DCC: variants seen among roughly 807,000 people sequenced by gnomAD.
The protein encoded by DCC is netrin receptor DCC.
DCC carries 58 observed loss-of-function variants against 172.5 expected under a neutral mutation model. That is an observed-to-expected ratio of 0.34 (90% CI 0.27 to 0.42). DCC has a LOEUF of 0.42. DCC is among the 10% of genes least tolerant of loss of function. The probability of loss-of-function intolerance (pLI) is 1.00; values close to 1 mark genes in which losing one functional copy is unlikely to be tolerated. For missense variants in DCC, 1,740 were observed against 1,791.0 expected, an observed-to-expected ratio of 0.97 and a Z score of 0.51; for synonymous variants, 709 against 644.5, an observed-to-expected ratio of 1.10 and a Z score of -1.52.
At chr18:53,450,344 C>T (rs2045393286) in intron 22 of DCC, among the ~76,000 whole-genome samples, 156 bp from the exon 23 acceptor site, 1 of 151,734 alleles carries the variant, frequency 6.6e-6, no homozygotes, top group Non-Finnish European at 1.5e-5. Flanking sequence ...ATAGGTGTTT[C>T]CTCTCATTTT....
intron 25 of DCC, among the ~76,000 whole-genome samples, chr18:53,470,959 C>T (rs770807667): frequency 1.3e-5 from 2 of 152,140 alleles, no homozygotes; most frequent in Non-Finnish European, 2.9e-5. Flanking sequence ...AGTTTCATGC[C>T]TCTTCATTCT....
At chr18:53,443,694 G>A (rs1912418571) in intron 22 of DCC, among the ~76,000 whole-genome samples, 1 of 152,162 alleles carries the variant, frequency 6.6e-6, no homozygotes, top group African/African-American at 2.4e-5. Flanking sequence ...TTTTGGAAAG[G>A]ATTCACCACT....
At chr18:52,722,459 C>T (rs1352681446) in intron 1 of DCC, among the ~76,000 whole-genome samples, 1 of 152,130 alleles carries the variant, frequency 6.6e-6, no homozygotes, top group East Asian at 1.9e-4. Context: ...AGTGTTCTCA[C>T]TACTGAGTTA....
At chr18:52,805,286 A>G (rs935212131) in intron 2 of DCC, among the ~76,000 whole-genome samples, 2 of 152,218 alleles carry the variant, frequency 1.3e-5, no homozygotes, top group Non-Finnish European at 2.9e-5. Flanking sequence ...GTGTATATTA[A>G]CAGCTGGCAC....
chr18:52,631,270 C>T (rs556409456), intron 1 of DCC, among the ~76,000 whole-genome samples: 17 of 151,484 alleles, frequency 1.1e-4, no homozygotes, highest in Admixed American at 4.6e-4. Flanking sequence ...ACATGATAGC[C>T]GCAGGCTTGA....
chr18:52,925,968 C>A (rs17390820), intron 5 of DCC, among the ~76,000 whole-genome samples: 59,720 of 151,148 alleles, frequency 0.4, 12,411 homozygotes, highest in Non-Finnish European at 0.47. Flanking sequence ...AATAATTCTT[C>A]TACATGGCAG....
intron 7 of DCC, among the ~76,000 whole-genome samples, chr18:53,084,251 C>G (rs755233549): frequency 2.0e-5 from 3 of 152,186 alleles, no homozygotes; most frequent in Non-Finnish European, 4.4e-5. Flanking sequence ...AAGCCACCAG[C>G]CTTACTCCTA....
intron 1 of DCC, among the ~76,000 whole-genome samples, chr18:52,363,214 C>T (rs1323031690): frequency 6.6e-6 from 1 of 152,172 alleles, no homozygotes; most frequent in Non-Finnish European, 1.5e-5. Flanking sequence ...TGTTGGTTTA[C>T]CATCACATAG....
chr18:53,066,527 T>C (rs1319248894), intron 7 of DCC, among the ~76,000 whole-genome samples: 1 of 150,276 alleles, frequency 6.7e-6, no homozygotes. Flanking sequence ...ACCTTCTCCC[T>C]CTTTTGTGGC....
intron 2 of DCC, among the ~76,000 whole-genome samples, chr18:52,768,017 G>A (rs1289148140): frequency 6.6e-6 from 1 of 152,202 alleles, no homozygotes; most frequent in Non-Finnish European, 1.5e-5. Context: ...TAGCACCACA[G>A]TTTGGAGGAG....
chr18:53,084,036 T>A (rs2042843034), intron 7 of DCC, among the ~76,000 whole-genome samples: 1 of 152,168 alleles, frequency 6.6e-6, no homozygotes. Context: ...TTCTGTTACT[T>A]GTAACTTGAA....
intron 5 of DCC, among the ~76,000 whole-genome samples, chr18:53,062,700 T>G (rs576588495): frequency 1.3e-5 from 2 of 152,254 alleles, no homozygotes; most frequent in African/African-American, 4.8e-5. Context: ...AATTAGTATA[T>G]CACATGCCAT....
chr18:52,687,691 T>A (rs1799962471), intron 1 of DCC, among the ~76,000 whole-genome samples: 1 of 152,166 alleles, frequency 6.6e-6, no homozygotes, highest in South Asian at 2.1e-4. Context: ...AGAATTATTT[T>A]AAAAAGCAAG....
intron 2 of DCC, among the ~76,000 whole-genome samples, chr18:52,860,450 A>G (rs1163661281): frequency 6.6e-6 from 1 of 152,220 alleles, no homozygotes; most frequent in Admixed American, 6.5e-5. Flanking sequence ...CCAGGAAGTA[A>G]TTCAGGATTC....
At chr18:52,691,855 A>G (rs954002852) in intron 1 of DCC, among the ~76,000 whole-genome samples, 1 of 152,132 alleles carries the variant, frequency 6.6e-6, no homozygotes, top group South Asian at 2.1e-4. Context: ...CTGCACTCAA[A>G]TGTTAATTTG....
intron 5 of DCC, among the ~76,000 whole-genome samples, chr18:52,932,226 C>T (rs560989992): frequency 1.4e-4 from 22 of 152,256 alleles, no homozygotes; most frequent in African/African-American, 5.3e-4. Context: ...GTCCAGCTTT[C>T]TGGCTCAAGG....
chr18:52,985,901 A>G (rs1475369129), intron 5 of DCC, among the ~76,000 whole-genome samples: 1 of 152,088 alleles, frequency 6.6e-6, no homozygotes, highest in Non-Finnish European at 1.5e-5. Context: ...TAGTTACAGC[A>G]GTTTCTTAAA....
intron 1 of DCC, among the ~76,000 whole-genome samples, chr18:52,530,176 T>C (rs994046083): frequency 1.3e-5 from 2 of 152,256 alleles, no homozygotes; most frequent in Non-Finnish European, 2.9e-5. Context: ...GTTTCATTCT[T>C]GCACCAACTC....
At chr18:53,167,014 A>G (rs890110709) in intron 8 of DCC, among the ~76,000 whole-genome samples, 2 of 152,180 alleles carry the variant, frequency 1.3e-5, no homozygotes, top group Non-Finnish European at 2.9e-5. Context: ...GAAATAATGA[A>G]TGAAAGTAGA....
Sources: gnomAD v4.1 joint callset for allele counts (sites outside exome capture counted in the v4.1 genomes callset) on GRCh38, gnomAD v4.1.1 for gene constraint, MANE v1.5 for transcripts, NCBI Gene and HGNC (gene_info 2026-07-23, HGNC 2026-07-21) for gene names.